CORO1C: variants seen among roughly 807,000 people sequenced by gnomAD.
CORO1C encodes coronin-1C.
CORO1C carries 14 observed loss-of-function variants against 51.2 expected under a neutral mutation model. The observed-to-expected ratio is 0.27, with a 90% confidence interval of 0.18 to 0.43. The LOEUF (loss-of-function observed/expected upper bound fraction) is 0.43. Among genes scored for constraint, CORO1C ranks in the 20% least tolerant of loss-of-function variants. The probability of loss-of-function intolerance (pLI) is 1.00; values close to 1 mark genes in which losing one functional copy is unlikely to be tolerated. For missense variants in CORO1C, 417 were observed against 607.8 expected, an observed-to-expected ratio of 0.69 and a Z score of 3.30; for synonymous variants, 181 against 210.5, an observed-to-expected ratio of 0.86 and a Z score of 1.21.
chr12:108,648,580 A>AC, intron 10 of CORO1C, 25 bp downstream of exon 10: 4 of 1,613,132 alleles, frequency 2.5e-6, no homozygotes, highest in Non-Finnish European at 3.4e-6. Context: ...CCAGCCAAGC[A>AC]CCCCTGCACT....
chr12:108,660,126 C>T (rs560608227), intron 4 of CORO1C, among the ~76,000 whole-genome samples: 3 of 152,340 alleles, frequency 2.0e-5, no homozygotes, highest in South Asian at 2.1e-4. Context: ...TAGTCACTAA[C>T]ATCCAGGATA....
intron 1 of CORO1C, among the ~76,000 whole-genome samples, chr12:108,711,666 C>T (rs146534590): frequency 2.3e-3 from 273 of 117,208 alleles, no homozygotes; most frequent in African/African-American, 8.9e-3. Context: ...AGTGACAGAG[C>T]AAAACTCCGT....
chr12:108,664,769 T>G (rs1356923975), intron 3 of CORO1C, among the ~76,000 whole-genome samples: 2 of 152,232 alleles, frequency 1.3e-5, no homozygotes, highest in East Asian at 3.8e-4. Context: ...GAATTTATGA[T>G]TAGTGAAACA....
chr12:108,700,170 C>T (rs565411134), intron 2 of CORO1C, among the ~76,000 whole-genome samples: 5 of 152,248 alleles, frequency 3.3e-5, no homozygotes, highest in South Asian at 2.1e-4. Flanking sequence ...CCACTTCCCC[C>T]GCTGTTTTCA....
intron 4 of CORO1C, among the ~76,000 whole-genome samples, chr12:108,659,315 T>C (rs1308913762): frequency 6.6e-6 from 1 of 152,176 alleles, no homozygotes; most frequent in East Asian, 1.9e-4. Flanking sequence ...AAAACAAGCA[T>C]CAGGGTGTTG....
At chr12:108,706,532 C>T (rs1013129993) in intron 1 of CORO1C, among the ~76,000 whole-genome samples, 7 of 152,206 alleles carry the variant, frequency 4.6e-5, no homozygotes, top group African/African-American at 1.2e-4. Flanking sequence ...CAGAAAATCC[C>T]GAGGAATCCA....
intron 1 of CORO1C, among the ~76,000 whole-genome samples, chr12:108,721,776 C>T (rs1338102871): frequency 2.0e-5 from 3 of 150,302 alleles, no homozygotes; most frequent in South Asian, 2.1e-4. Context: ...ATAGACAGGA[C>T]GAGTGCCCAG....
chr12:108,663,894 C>A (rs1235784637), intron 3 of CORO1C, among the ~76,000 whole-genome samples: 1 of 152,118 alleles, frequency 6.6e-6, no homozygotes, highest in Non-Finnish European at 1.5e-5. Context: ...ATGCAGAAGA[C>A]TCACCACATC....
chr12:108,657,057 T>TA (rs139589616), intron 6 of CORO1C, among the ~76,000 whole-genome samples: 8,672 of 151,632 alleles, frequency 0.057, 515 homozygotes, highest in East Asian at 0.32. Flanking sequence ...AAATTAAAAT[T>TA]AAAAAAAATT....
intron 1 of CORO1C, among the ~76,000 whole-genome samples, chr12:108,728,037 A>G (rs1040649880): frequency 1.3e-5 from 2 of 152,206 alleles, no homozygotes; most frequent in African/African-American, 2.4e-5. Flanking sequence ...TAGAATCAAA[A>G]AGTCAGAGAG....
chr12:108,662,751 C>T (rs1357709748), intron 3 of CORO1C, among the ~76,000 whole-genome samples: 2 of 151,984 alleles, frequency 1.3e-5, no homozygotes, highest in Non-Finnish European at 1.5e-5. Context: ...TAATTTTACA[C>T]TTGGAAAACA....
At chr12:108,727,672 T>C (rs1447920654) in intron 1 of CORO1C, among the ~76,000 whole-genome samples, 2 of 152,176 alleles carry the variant, frequency 1.3e-5, no homozygotes, top group African/African-American at 4.8e-5. Context: ...TCAACTTATA[T>C]AACCAAAATA....
intron 4 of CORO1C, among the ~76,000 whole-genome samples, chr12:108,661,671 C>T (rs1232346951): frequency 2.0e-5 from 3 of 152,028 alleles, no homozygotes; most frequent in Non-Finnish European, 2.9e-5. Context: ...AGCAACACCA[C>T]AGAGGGAACA....
At chr12:108,709,290 C>A (rs1344217721) in intron 1 of CORO1C, among the ~76,000 whole-genome samples, 1 of 151,994 alleles carries the variant, frequency 6.6e-6, no homozygotes, top group African/African-American at 2.4e-5. Context: ...TATTTAAGAG[C>A]CCAGTAATAG....
chr12:108,727,141 T>C (rs1298969803), intron 1 of CORO1C, among the ~76,000 whole-genome samples: 4 of 152,232 alleles, frequency 2.6e-5, no homozygotes, highest in African/African-American at 9.6e-5. Context: ...AGAATCTCAG[T>C]CTGCCTTCCA....
intron 8 of CORO1C, chr12:108,652,055 C>CT (rs202228272): frequency 0.075 from 10,655 of 142,856 alleles, 578 homozygotes; most frequent in East Asian, 0.37. Flanking sequence ...TTTTTCTTTT[C>CT]TTTTTTTTTT....
intron 1 of CORO1C, among the ~76,000 whole-genome samples, chr12:108,729,288 A>G (rs7961079): frequency 0.26 from 39,071 of 152,130 alleles, 6,396 homozygotes; most frequent in Non-Finnish European, 0.38. Context: ...TCTAATCCTA[A>G]ACTATATATA....
At chr12:108,723,730 A>T (rs186121922) in intron 1 of CORO1C, among the ~76,000 whole-genome samples, 24 of 152,344 alleles carry the variant, frequency 1.6e-4, no homozygotes, top group African/African-American at 5.1e-4. Context: ...AACCTTTGCT[A>T]ATCCTAAGTG....
intron 2 of CORO1C, among the ~76,000 whole-genome samples, chr12:108,680,681 G>C (rs1484396422): frequency 6.6e-6 from 1 of 152,164 alleles, no homozygotes; most frequent in Non-Finnish European, 1.5e-5. Flanking sequence ...TAAAGAACTT[G>C]GTTCTGCCCC....
Sources: allele counts gnomAD v4.1 joint callset (sites outside exome capture counted in the v4.1 genomes callset), GRCh38; gene constraint gnomAD v4.1.1; transcripts MANE v1.5; gene names NCBI Gene and HGNC (gene_info 2026-07-23, HGNC 2026-07-21).